POLD3: variants seen among roughly 807,000 people sequenced by gnomAD.
POLD3 encodes the protein DNA polymerase delta 3, accessory subunit, also known as DNA polymerase delta subunit 3.
A neutral mutation model predicts 58.2 loss-of-function variants in POLD3; 19 were observed. That is an observed-to-expected ratio of 0.33 (90% confidence interval 0.23 to 0.48). The LOEUF is 0.48. Among genes scored for constraint, POLD3 ranks in the 20% least tolerant of loss-of-function variants. POLD3 has a pLI of 0.99. For missense variants in POLD3, 504 were observed against 545.5 expected (o/e 0.92, Z 0.76); for synonymous variants, 172 against 193.5 (o/e 0.89, Z 0.92).
rs144888659 is a variant in POLD3, at chr11:74,600,196, G to A, written c.117-4496G>A. Among the ~76,000 whole-genome samples the A allele has an allele frequency of 8.7e-3, 1,325 of 152,030 alleles. 29 individuals carry two copies. Among genetic ancestry groups the A allele is most frequent in the African/African-American group, 0.03 (1,249 of 41,456 alleles). Reference sequence around the variant, plus strand: ...CCTGACCTCGTGATCCGCCTGCCTCGGCCTCCTAACATGCTGGGATTACAG... The same window carrying A: ...CCTGACCTCGTGATCCGCCTGCCTCAGCCTCCTAACATGCTGGGATTACAG... On this transcript the variant is annotated intron_variant, in intron 2 of 11. Coordinates refer to ENST00000263681, the MANE Select transcript of POLD3 (RefSeq NM_006591.3).
chr11:74,593,361 A>G (rs994995429), intron 1 of POLD3, among the ~76,000 whole-genome samples: 1 of 152,120 alleles, frequency 6.6e-6, no homozygotes, highest in African/African-American at 2.4e-5. Context: ...TAACTTGTTT[A>G]TTTGCGTTTG....
intron 4 of POLD3, among the ~76,000 whole-genome samples, chr11:74,666,986 G>A (rs2033277569): frequency 6.6e-6 from 1 of 150,912 alleles, no homozygotes; most frequent in Non-Finnish European, 1.5e-5. Context: ...AAATCAATGG[G>A]ACACCTGGAG....
intron 4 of POLD3, among the ~76,000 whole-genome samples, chr11:74,653,548 T>C (rs1433364798): frequency 2.0e-5 from 3 of 152,132 alleles, no homozygotes; most frequent in Non-Finnish European, 4.4e-5. Flanking sequence ...CCACAATGTA[T>C]AACTCCAAAG....
chr11:74,597,858 T>C (rs1226715718), intron 2 of POLD3, among the ~76,000 whole-genome samples: 2 of 152,178 alleles, frequency 1.3e-5, no homozygotes, highest in Non-Finnish European at 2.9e-5. Context: ...GAGGATTGCT[T>C]GAGCCCAGGA....
chr11:74,631,960 C>A (rs149958400), intron 9 of POLD3, among the ~76,000 whole-genome samples: 1 of 151,942 alleles, frequency 6.6e-6, no homozygotes, highest in African/African-American at 2.4e-5. Context: ...TTTACCCCTG[C>A]GGGGTCATAA....
chr11:74,614,779 A>C (rs1313612306), intron 5 of POLD3, among the ~76,000 whole-genome samples: 1 of 151,682 alleles, frequency 6.6e-6, no homozygotes, highest in Non-Finnish European at 1.5e-5. Flanking sequence ...ATGGTGGAAG[A>C]CAGCCTTTCT....
At position 74,640,875 on chromosome 11, in the gene POLD3, C is replaced by CA; in HGVS notation, c.*113dup. Reference sequence around the variant, plus strand: ...ATCTAGATCTCCACCTCACCTGTATCAAAAGACTGTTCTTTCATCCTGTGA... The same window carrying CA: ...ATCTAGATCTCCACCTCACCTGTATCAAAAAGACTGTTCTTTCATCCTGTGA... On this transcript the variant is annotated 3_prime_UTR_variant, in exon 12 of 12. Transcript: ENST00000263681. The CA allele has an allele frequency of 7.4e-7, 1 of 1,352,878 alleles. No homozygotes were observed. The highest frequency in any genetic ancestry group is 9.5e-7 in the Non-Finnish European group (1 of 1,050,466). 83.8% of individuals were successfully genotyped at this position (1,352,878 alleles called of 1,614,324 possible). A position where few individuals can be genotyped will look rare whatever the true frequency, so the allele number is the denominator to read the frequency against.
At position 74,641,380 on chromosome 11, in the gene POLD3, G is replaced by A; in HGVS notation, c.*614G>A. The stretch of plus-strand genomic sequence containing the variant: ...CTGGCTACAGACCAGGACGTGGCTT[G>A]TGTTCTGTTCCTTTCACAAAAGCTC... On this transcript the variant is annotated 3_prime_UTR_variant, in exon 12 of 12. Transcript: ENST00000263681. 9 of 985,418 alleles carry A rather than the reference G, an allele frequency of 9.1e-6. No individual in the cohort carries two copies. The highest frequency in any genetic ancestry group is 1.1e-5 in the Non-Finnish European group (9 of 829,936). 61.0% of individuals were successfully genotyped at this position (985,418 alleles called of 1,614,324 possible).
chr11:74,599,445 A>G (rs1460241184), intron 2 of POLD3, among the ~76,000 whole-genome samples: 2 of 150,732 alleles, frequency 1.3e-5, no homozygotes, highest in African/African-American at 2.4e-5. Flanking sequence ...GCTCACTGCA[A>G]CCTCCACCTT....
intron 3 of POLD3, among the ~76,000 whole-genome samples, chr11:74,610,656 T>C (rs2031880030): frequency 6.6e-6 from 1 of 152,224 alleles, no homozygotes; most frequent in African/African-American, 2.4e-5. Context: ...TAAAAGTTGC[T>C]TTTTTAAAAT....
intron 11 of POLD3, among the ~76,000 whole-genome samples, chr11:74,637,312 A>G (rs1480703871): frequency 1.3e-5 from 2 of 152,018 alleles, no homozygotes; most frequent in Non-Finnish European, 2.9e-5. Context: ...TGCCATTTTA[A>G]TTGTAACATG....
At chr11:74,622,154 AATG>A (rs2032283618) in intron 7 of POLD3, among the ~76,000 whole-genome samples, 2 of 151,978 alleles carry the variant, frequency 1.3e-5, no homozygotes, top group African/African-American at 4.8e-5. Context: ...GTTTACTGAG[AATG>A]ATGATTTCCA....
At chr11:74,647,093 C>T (rs1330432762), downstream of POLD3, among the ~76,000 whole-genome samples, 1 of 152,194 alleles carries the variant, frequency 6.6e-6, no homozygotes, top group African/African-American at 2.4e-5. Flanking sequence ...CTCCTGTGAG[C>T]ATCTAATGCT....
intron 7 of POLD3, among the ~76,000 whole-genome samples, chr11:74,621,762 A>G (rs890641386): frequency 3.9e-5 from 6 of 152,156 alleles, no homozygotes; most frequent in Non-Finnish European, 8.8e-5. Context: ...CGTGCCTGTA[A>G]TCCCAGCTAC....
intron 2 of POLD3, among the ~76,000 whole-genome samples, chr11:74,599,368 ATT>A (rs60458731): frequency 1.1e-4 from 15 of 139,472 alleles, no homozygotes; most frequent in Admixed American, 2.2e-4. Flanking sequence ...CTCTCAAGTA[ATT>A]TTTTTTTTTT....
exon 5 of POLD3, chr11:74,668,925 T>A: frequency 2.2e-6 from 1 of 457,874 alleles, no homozygotes; most frequent in Non-Finnish European, 3.6e-6. Context: ...GGTGGTAGTT[T>A]CAAGTGACGT....
chr11:74,667,529 C>CAAAAAAAAAAAAA (rs1303701288), intron 4 of POLD3, among the ~76,000 whole-genome samples: 3 of 150,824 alleles, frequency 2.0e-5, no homozygotes, highest in African/African-American at 7.3e-5. Flanking sequence ...GACTCCGTCT[C>CAAAAAAAAAAAAA]AAAAAAAAGG....
chr11:74,607,248 T>A (rs56142430), intron 3 of POLD3, among the ~76,000 whole-genome samples: 10,064 of 95,686 alleles, frequency 0.11, 413 homozygotes, highest in African/African-American at 0.19. Flanking sequence ...TATTATATAT[T>A]TATTTATTTA....
chr11:74,611,027 G>A (rs538156643), intron 3 of POLD3, among the ~76,000 whole-genome samples: 10 of 152,168 alleles, frequency 6.6e-5, no homozygotes, highest in African/African-American at 2.2e-4. Context: ...CACCCACTTC[G>A]GCCTCCCAAA....
Sources: allele counts gnomAD v4.1 joint callset (sites outside exome capture counted in the v4.1 genomes callset), GRCh38; gene constraint gnomAD v4.1.1; transcripts MANE v1.5; gene names NCBI Gene and HGNC (gene_info 2026-07-23, HGNC 2026-07-21).